DCC: variants seen among roughly 807,000 people sequenced by gnomAD.
DCC encodes DCC netrin 1 receptor, also known as netrin receptor DCC.
A neutral mutation model predicts 172.5 loss-of-function variants in DCC; 58 were observed. The ratio of observed to expected loss-of-function variants is 0.34; its 90% CI spans 0.27 to 0.42. The LOEUF is 0.42. DCC is among the 10% of genes least tolerant of loss of function. DCC has a pLI of 1.00. For missense variants in DCC, 1,740 were observed against 1,791.0 expected, an observed-to-expected ratio of 0.97 and a Z score of 0.51; for synonymous variants, 709 against 644.5, an observed-to-expected ratio of 1.10 and a Z score of -1.52.
chr18:53,485,884 G>A (rs2045894576), intron 25 of DCC, among the ~76,000 whole-genome samples: 1 of 151,970 alleles, frequency 6.6e-6, no homozygotes, highest in African/African-American at 2.4e-5. Flanking sequence ...GCATGTATGT[G>A]TATGTTGAAC....
At chr18:52,608,920 C>T (rs1201775047) in intron 1 of DCC, among the ~76,000 whole-genome samples, 1 of 152,128 alleles carries the variant, frequency 6.6e-6, no homozygotes, top group African/African-American at 2.4e-5. Context: ...TACCATCAGA[C>T]AATTGTCCGT....
chr18:52,591,285 T>G (rs924429868), intron 1 of DCC, among the ~76,000 whole-genome samples: 1 of 152,150 alleles, frequency 6.6e-6, no homozygotes, highest in Non-Finnish European at 1.5e-5. Flanking sequence ...TAATCTTTAC[T>G]ACAATTAAAA....
chr18:53,339,993 G>T, intron 15 of DCC, 86 bp downstream of exon 15: 2 of 1,232,244 alleles, frequency 1.6e-6, no homozygotes, highest in Non-Finnish European at 2.3e-6. Context: ...ACTGTTCCCT[G>T]GTATGATGGT....
chr18:52,738,601 C>G (rs765472977), intron 1 of DCC, among the ~76,000 whole-genome samples: 66 of 152,122 alleles, frequency 4.3e-4, no homozygotes, highest in Non-Finnish European at 7.4e-4. Flanking sequence ...AGTTACCGTA[C>G]TTACTATAGA....
At chr18:52,891,745 A>G (rs541796521) in intron 2 of DCC, among the ~76,000 whole-genome samples, 13 of 152,198 alleles carry the variant, frequency 8.5e-5, no homozygotes, top group African/African-American at 2.6e-4. Context: ...TCAACATTCA[A>G]TAGGTTCTGT....
In DCC at chr18:52,582,938, C is replaced by T. The variant is rs147409362; in HGVS notation, c.92-169116C>T. ...AACACATGAGCTATCTGTGCCATGG[C>T]TCCAGGAAATATAGTCAAGTCCAAC... On this transcript the variant is annotated intron_variant, in intron 1 of 28. Transcript: ENST00000442544. Among the ~76,000 whole-genome samples, 461 of 152,200 alleles carry T rather than the reference C, an allele frequency of 3.0e-3. 3 individuals carry two copies. Among genetic ancestry groups the T allele is most frequent in the African/African-American group, 0.011 (438 of 41,536 alleles).
intron 5 of DCC, among the ~76,000 whole-genome samples, chr18:53,052,400 C>G (rs1343035930): frequency 6.6e-6 from 1 of 151,990 alleles, no homozygotes; most frequent in Non-Finnish European, 1.5e-5. Context: ...CTCCCCATCC[C>G]CCCTTTTTCT....
At chr18:53,037,588 T>C (rs886958443) in intron 5 of DCC, among the ~76,000 whole-genome samples, 2 of 151,892 alleles carry the variant, frequency 1.3e-5, no homozygotes, top group African/African-American at 2.4e-5. Context: ...AAAATTGAAG[T>C]CCTAAAATTT....
At chr18:52,667,619 A>G (rs532107302) in intron 1 of DCC, among the ~76,000 whole-genome samples, 2 of 152,272 alleles carry the variant, frequency 1.3e-5, no homozygotes, top group East Asian at 3.9e-4. Context: ...CGATCTACTA[A>G]TTTATGCACT....
chr18:53,070,877 C>T (rs991666679), intron 7 of DCC, among the ~76,000 whole-genome samples: 2 of 152,190 alleles, frequency 1.3e-5, no homozygotes, highest in Admixed American at 6.5e-5. Context: ...CACTCCAATT[C>T]CTCAGAGATG....
chr18:52,897,787 T>C (rs1453055445), intron 2 of DCC, among the ~76,000 whole-genome samples: 1 of 152,232 alleles, frequency 6.6e-6, no homozygotes, highest in East Asian at 1.9e-4. Flanking sequence ...CATAGAGCAA[T>C]TGCTCTTCAG....
At chr18:53,296,911 G>T (rs1353687054) in intron 12 of DCC, among the ~76,000 whole-genome samples, 1 of 152,120 alleles carries the variant, frequency 6.6e-6, no homozygotes, top group African/African-American at 2.4e-5. Flanking sequence ...CTTTCTATGG[G>T]AATTCCATCT....
intron 2 of DCC, among the ~76,000 whole-genome samples, chr18:52,804,496 A>G (rs1327560045): frequency 1.3e-5 from 2 of 152,174 alleles, no homozygotes; most frequent in African/African-American, 4.8e-5. Flanking sequence ...GTTTATAGAC[A>G]AAAAAAGATA....
At chr18:53,261,065 G>C (rs1471768268) in intron 12 of DCC, among the ~76,000 whole-genome samples, 7 of 152,164 alleles carry the variant, frequency 4.6e-5, no homozygotes, top group Non-Finnish European at 1.5e-5. Flanking sequence ...TGCAGTATTA[G>C]GGTGGGAGTG....
intron 7 of DCC, among the ~76,000 whole-genome samples, chr18:53,151,090 C>A (rs187726015): frequency 1.3e-3 from 203 of 152,334 alleles, no homozygotes; most frequent in African/African-American, 4.7e-3. Flanking sequence ...CAGTGCCTTG[C>A]ACAAAGTATG....
At chr18:53,396,552 A>C (rs763356791) in intron 17 of DCC, among the ~76,000 whole-genome samples, 2 of 152,194 alleles carry the variant, frequency 1.3e-5, no homozygotes, top group Admixed American at 1.3e-4. Context: ...TCCTTGATCA[A>C]TTGCTCCAGT....
At chr18:52,675,551 C>A (rs540123628) in intron 1 of DCC, among the ~76,000 whole-genome samples, 2 of 152,182 alleles carry the variant, frequency 1.3e-5, no homozygotes, top group African/African-American at 2.4e-5. Flanking sequence ...CCCTGACCAC[C>A]TTGGGTACAT....
rs747320816 is a variant in DCC at position 53,468,009 on chromosome 18, T to G, written c.3735T>G (p.Pro1245=). ...CCATGGATGCCCAGTCCAACAATCC[T>G]GGTGAGTCAATATTGGTGCCACAAT... ...MIPMDAQSNN[P]AVVSAIPVPT... Residue 1245 remains proline, a splice_region_variant and synonymous_variant, in exon 25 of 29, where the codon CCT becomes CCG. Transcript: ENST00000442544. 1.3e-6 allele frequency: 2 copies of G among 1,487,018 alleles called. No homozygotes were observed. Among genetic ancestry groups the G allele is most frequent in the South Asian group, 2.3e-5 (2 of 88,628 alleles). The allele number at this position is 1,487,018 out of a possible 1,614,324, so 92.1% of individuals were successfully genotyped here. A position where few individuals can be genotyped will look rare whatever the true frequency, so the allele number is the denominator to read the frequency against.
At chr18:53,323,497 A>T (rs1044859397) in intron 14 of DCC, among the ~76,000 whole-genome samples, 3 of 152,226 alleles carry the variant, frequency 2.0e-5, no homozygotes, top group Non-Finnish European at 4.4e-5. Context: ...TAACTAAGAA[A>T]CACTTGGTTC....
Sources: gnomAD v4.1 joint callset for allele counts (sites outside exome capture counted in the v4.1 genomes callset) on GRCh38, gnomAD v4.1.1 for gene constraint, MANE v1.5 for transcripts, NCBI Gene and HGNC (gene_info 2026-07-23, HGNC 2026-07-21) for gene names.